The following UBE3A variants were observed in gnomAD, a reference collection of about 807,000 sequenced individuals.
UBE3A encodes the protein ubiquitin protein ligase E3A, also known as ubiquitin-protein ligase E3A.
UBE3A carries 6 observed loss-of-function variants against 83.4 expected under a neutral mutation model. The ratio of observed to expected loss-of-function variants is 0.07; its 90% confidence interval spans 0.04 to 0.14. The LOEUF is 0.14. Among genes scored for constraint, UBE3A ranks in the 10% least tolerant of loss-of-function variants. UBE3A has a pLI of 1.00. For missense variants in UBE3A, 456 were observed against 1,036.1 expected, an observed-to-expected ratio of 0.44 and a Z score of 7.69; for synonymous variants, 337 against 355.4, an observed-to-expected ratio of 0.95 and a Z score of 0.58.
At chr15:25,357,799 A>T (rs2077429582) in intron 7 of UBE3A, among the ~76,000 whole-genome samples, 2 of 151,934 alleles carry the variant, frequency 1.3e-5, no homozygotes, top group African/African-American at 4.8e-5. Flanking sequence ...AAACAAAGCT[A>T]TTCAATACAC....
intron 2 of UBE3A, among the ~76,000 whole-genome samples, chr15:25,409,572 A>C (rs915524840): frequency 6.6e-6 from 1 of 151,640 alleles, no homozygotes; most frequent in East Asian, 1.9e-4. Context: ...TGACTTGCCC[A>C]AGATTTTGGA....
chr15:25,339,455 G>A (rs891193594), intron 12 of UBE3A, 198 bp from the exon 13 acceptor site: 25 of 547,242 alleles, frequency 4.6e-5, no homozygotes, highest in East Asian at 3.6e-5. Flanking sequence ...AGCTAGTGAC[G>A]ATGATAAGAT....
At chr15:25,397,054 G>C (rs2085746146) in intron 4 of UBE3A, among the ~76,000 whole-genome samples, 1 of 152,104 alleles carries the variant, frequency 6.6e-6, no homozygotes, top group Admixed American at 6.6e-5. Flanking sequence ...ATACTATTAA[G>C]GTATTAGGTT....
At chr15:25,369,495 T>C (rs1046239674) in intron 6 of UBE3A, among the ~76,000 whole-genome samples, 1 of 152,064 alleles carries the variant, frequency 6.6e-6, no homozygotes, top group African/African-American at 2.4e-5. Flanking sequence ...AACTAAAATT[T>C]AGACATTCTA....
intron 6 of UBE3A, among the ~76,000 whole-genome samples, chr15:25,367,282 TAAATTAAATTAATTTAC>T (rs1430386371): frequency 1.4e-5 from 2 of 146,906 alleles, no homozygotes; most frequent in Non-Finnish European, 3.0e-5. Context: ...TTTACATATT[TAAATTAAATTAATTTAC>T]ATATTAAATT....
At chr15:25,375,827 A>AT in intron 4 of UBE3A, 64 bp from the exon 5 acceptor site, 4 of 1,586,416 alleles carry the variant, frequency 2.5e-6, no homozygotes, top group Admixed American at 1.7e-5. Context: ...AAAGCTCAAC[A>AT]TATCATCAAG....
chr15:25,430,043 A>ATATATATATATT (rs1555433135), intron 1 of UBE3A, among the ~76,000 whole-genome samples: 1 of 112,856 alleles, frequency 8.9e-6, no homozygotes, highest in Non-Finnish European at 1.7e-5. Flanking sequence ...ATATATATAT[A>ATATATATATATT]TATATATTTA....
rs556246778 is a variant in UBE3A, at chr15:25,338,520, C to A, written c.*617G>T. The A allele has an allele frequency of 1.3e-5, 2 of 151,752 alleles. No homozygotes were observed. The highest frequency in any genetic ancestry group is 1.9e-4 in the East Asian group (1 of 5,142). 9.4% of individuals were successfully genotyped at this position (151,752 alleles called of 1,614,324 possible). A position where few individuals can be genotyped will look rare whatever the true frequency, so the allele number is the denominator to read the frequency against. On this transcript the variant is annotated 3_prime_UTR_variant, in exon 13 of 13. Coordinates refer to ENST00000648336, the MANE Select transcript of UBE3A (RefSeq NM_130839.5). Reference sequence around the variant, plus strand: ...CAATTTCTCCCTTCCTTCCATCTTTCTTTATTGATTGATTCTCAAGATTTT... The same window carrying A: ...CAATTTCTCCCTTCCTTCCATCTTTATTTATTGATTGATTCTCAAGATTTT...
Position 25,335,655 on chromosome 15 carries a change from G to A in UBE3A, c.*3482C>T, listed in dbSNP as rs1566799460. On this transcript the variant is annotated 3_prime_UTR_variant, in exon 13 of 13. Transcript: ENST00000648336. ...TCTTAAAAAGAAACAAAGAATGGTC[G>A]GTCGATAGAGATGCAAGATGAAGAA... The A allele has an allele frequency of 2.0e-5, 3 of 152,120 alleles. No individual in the cohort carries two copies. The highest frequency in any genetic ancestry group is 4.8e-5 in the African/African-American group (2 of 41,416). 9.4% of individuals were successfully genotyped at this position (152,120 alleles called of 1,614,324 possible). A position where few individuals can be genotyped will look rare whatever the true frequency, so the allele number is the denominator to read the frequency against.
chr15:25,367,321 T>C (rs1473778230), intron 6 of UBE3A, among the ~76,000 whole-genome samples: 1 of 134,582 alleles, frequency 7.4e-6, no homozygotes, highest in Non-Finnish European at 1.5e-5. Context: ...AATTACATAT[T>C]TATATTAAAA....
rs2074263499 is a variant in UBE3A, at chr15:25,339,050, T to C, written c.*87A>G. On this transcript the variant is annotated 3_prime_UTR_variant, in exon 13 of 13. Transcript: ENST00000648336. ...ACTGGGACACTATCACCACCAAAAA[T>C]TTATCCCTCGTTATATTTTTAAAAT... is the stretch of plus-strand genomic sequence containing the variant. 3 of 1,400,316 alleles carry C rather than the reference T, an allele frequency of 2.1e-6. No homozygotes were observed. In the South Asian group the frequency reaches 4.7e-5, roughly 22 times the overall value. The allele number at this position is 1,400,316 out of a possible 1,614,324, so 86.7% of individuals were successfully genotyped here. A position where few individuals can be genotyped will look rare whatever the true frequency, so the allele number is the denominator to read the frequency against.
intron 6 of UBE3A, among the ~76,000 whole-genome samples, chr15:25,366,663 T>C (rs909976984): frequency 1.3e-5 from 2 of 152,200 alleles, no homozygotes; most frequent in Non-Finnish European, 2.9e-5. Flanking sequence ...TATTCCAAGC[T>C]TGCTGTCCCC....
chr15:25,347,191 CCCTTGATAAGTTCT>C (rs1310316751), intron 11 of UBE3A: 1 of 152,120 alleles, frequency 6.6e-6, no homozygotes, highest in Non-Finnish European at 1.5e-5. Flanking sequence ...GAGCATCACT[CCCTTGATAAGTTCT>C]ATAAGTCATA....
chr15:25,375,814 T>C (rs1231311351), intron 4 of UBE3A, 51 bp from the exon 5 acceptor site: 4 of 1,595,332 alleles, frequency 2.5e-6, no homozygotes, highest in South Asian at 1.1e-5. Context: ...AGCTCTCAAG[T>C]ACAAAGCTCA....
intron 4 of UBE3A, among the ~76,000 whole-genome samples, chr15:25,378,120 G>A (rs2081527465): frequency 6.6e-6 from 1 of 151,992 alleles, no homozygotes; most frequent in South Asian, 2.1e-4. Context: ...GAATGGCCCC[G>A]AGATTTACTA....
chr15:25,336,913 A>C lies in UBE3A; in HGVS notation c.*2224T>G, dbSNP rs1595337846. 2 of 152,172 alleles carry C rather than the reference A, an allele frequency of 1.3e-5. No homozygotes were observed. Among genetic ancestry groups the C allele is most frequent in the Non-Finnish European group, 2.9e-5 (2 of 68,026 alleles). 9.4% of individuals were successfully genotyped at this position (152,172 alleles called of 1,614,324 possible). Reference sequence around the variant, plus strand: ...TTGGGGTAGAGGAAGTATCCACTGTAGTCAAAATGTCTATGTTTTGCTCTT... The same window carrying C: ...TTGGGGTAGAGGAAGTATCCACTGTCGTCAAAATGTCTATGTTTTGCTCTT... On this transcript the variant is annotated 3_prime_UTR_variant, in exon 13 of 13. Transcript: ENST00000648336.
chr15:25,418,505 A>G (rs1247359681), intron 1 of UBE3A: 1 of 152,220 alleles, frequency 6.6e-6, no homozygotes, highest in African/African-American at 2.4e-5. Context: ...AACTTTTTAC[A>G]ACATATAAGT....
At chr15:25,382,678 T>C (rs930738648) in intron 4 of UBE3A, among the ~76,000 whole-genome samples, 13 of 152,058 alleles carry the variant, frequency 8.5e-5, no homozygotes, top group Admixed American at 5.2e-4. Context: ...AGCTGTTTTA[T>C]TGAAAAGATC....
intron 4 of UBE3A, among the ~76,000 whole-genome samples, chr15:25,384,201 T>C (rs1036253620): frequency 1.3e-5 from 2 of 152,158 alleles, no homozygotes; most frequent in Admixed American, 6.5e-5. Flanking sequence ...GGCTCACGCC[T>C]GTAACCCCAG....
Sources: allele counts gnomAD v4.1 joint callset (sites outside exome capture counted in the v4.1 genomes callset), GRCh38; gene constraint gnomAD v4.1.1; transcripts MANE v1.5; gene names NCBI Gene and HGNC (gene_info 2026-07-23, HGNC 2026-07-21).